Variants in RFTN2 observed in about 807,000 individuals in gnomAD.
RFTN2 encodes the protein raftlin family member 2, also known as raftlin-2.
Under a neutral mutation model 52.7 loss-of-function variants are expected in RFTN2, and 34 were observed. The ratio of observed to expected loss-of-function variants is 0.64; its 90% CI spans 0.49 to 0.86. The LOEUF is 0.86. Among genes scored for constraint, RFTN2 ranks in the 40% least tolerant of loss-of-function variants. The probability of loss-of-function intolerance (pLI) is 0.00; values close to 1 mark genes in which losing one functional copy is unlikely to be tolerated. For synonymous variants in RFTN2, 203 were observed against 217.7 expected (o/e 0.93, Z 0.59); for missense variants, 536 against 600.1 (o/e 0.89, Z 1.12).
At chr2:197,649,271 A>G (rs1298308909) in intron 1 of RFTN2, among the ~76,000 whole-genome samples, 1 of 152,180 alleles carries the variant, frequency 6.6e-6, no homozygotes, top group African/African-American at 2.4e-5. Flanking sequence ...TGAGAATCCA[A>G]ATAAATAGAG....
At chr2:197,583,315 C>G (rs1042087279) in intron 8 of RFTN2, among the ~76,000 whole-genome samples, 1 of 152,222 alleles carries the variant, frequency 6.6e-6, no homozygotes, top group Non-Finnish European at 1.5e-5. Context: ...ACCTCTTGGT[C>G]TGGGTAGACA....
chr2:197,586,082 G>C (rs992853063), intron 8 of RFTN2, among the ~76,000 whole-genome samples: 9 of 152,214 alleles, frequency 5.9e-5, no homozygotes, highest in African/African-American at 2.2e-4. Flanking sequence ...TTACAGATAA[G>C]CCCTCTATCA....
At chr2:197,592,853 A>C (rs1249966724) in intron 8 of RFTN2, among the ~76,000 whole-genome samples, 1 of 152,236 alleles carries the variant, frequency 6.6e-6, no homozygotes. Flanking sequence ...CTCTATATTG[A>C]TATTAATAGT....
At chr2:197,604,041 T>A (rs1479070616) in intron 7 of RFTN2, among the ~76,000 whole-genome samples, 1 of 152,134 alleles carries the variant, frequency 6.6e-6, no homozygotes, top group East Asian at 1.9e-4. Flanking sequence ...ATGTGCTCAA[T>A]CTCAGCAAGT....
At chr2:197,580,585 G>A (rs987080232) in intron 8 of RFTN2, among the ~76,000 whole-genome samples, 1 of 152,228 alleles carries the variant, frequency 6.6e-6, no homozygotes, top group African/African-American at 2.4e-5. Flanking sequence ...CTTAAAGGCT[G>A]AAGGCTGATG....
intron 8 of RFTN2, among the ~76,000 whole-genome samples, chr2:197,580,704 C>T (rs992846589): frequency 6.6e-6 from 1 of 152,218 alleles, no homozygotes; most frequent in African/African-American, 2.4e-5. Flanking sequence ...GCTACCCACT[C>T]TACATTGCCT....
At chr2:197,659,097 T>C (rs991467995) in intron 1 of RFTN2, among the ~76,000 whole-genome samples, 1 of 152,204 alleles carries the variant, frequency 6.6e-6, no homozygotes, top group Non-Finnish European at 1.5e-5. Context: ...CTTTGTTCAA[T>C]GCTAAAAGTT....
chr2:197,620,663 A>G (rs2106217986), intron 5 of RFTN2, among the ~76,000 whole-genome samples: 1 of 152,346 alleles, frequency 6.6e-6, no homozygotes, highest in East Asian at 1.9e-4. Context: ...CATTGTTCAG[A>G]GTGGTTCCCA....
rs543560811 is a variant in RFTN2 at position 197,601,163 on chromosome 2, C to T, written c.1155-5094G>A. Among the ~76,000 whole-genome samples the T allele has an allele frequency of 9.1e-4, 138 of 152,302 alleles. 1 individual carries two copies. Among genetic ancestry groups the T allele is most frequent in the African/African-American group, 3.2e-3 (131 of 41,582 alleles). On this transcript the variant is annotated intron_variant, in intron 7 of 8. Coordinates refer to ENST00000295049, the MANE Select transcript of RFTN2 (RefSeq NM_144629.3). ...AAAGTTCCTACACCCTGGATATGGA[C>T]CCTGGAGCATAGGAGATGCTCAGAA... is the stretch of plus-strand genomic sequence containing the variant.
intron 1 of RFTN2, among the ~76,000 whole-genome samples, chr2:197,659,775 C>CCATT (rs1156289910): frequency 2.7e-5 from 4 of 148,610 alleles, no homozygotes; most frequent in Non-Finnish European, 5.9e-5. Flanking sequence ...TGAGATCATG[C>CCATT]CATTGCACTC....
chr2:197,675,573 TAAACTATAGATAACC>T (rs2089205236), exon 1 of RFTN2: 1 of 103,780 alleles, frequency 9.6e-6, no homozygotes, highest in Admixed American at 1.1e-4. Flanking sequence ...TGTTTTCAGC[TAAACTATAGATAACC>T]AAAAAAAAAA....
intron 8 of RFTN2, among the ~76,000 whole-genome samples, chr2:197,588,268 A>G (rs2087633989): frequency 6.6e-6 from 1 of 152,246 alleles, no homozygotes; most frequent in Non-Finnish European, 1.5e-5. Context: ...GAAACAGTAC[A>G]TAAAACTTTT....
intron 1 of RFTN2, among the ~76,000 whole-genome samples, chr2:197,650,665 A>G (rs1411756256): frequency 6.6e-6 from 1 of 152,214 alleles, no homozygotes; most frequent in Non-Finnish European, 1.5e-5. Context: ...CATTGAATAT[A>G]TATACCACAT....
chr2:197,646,642 TTGA>T lies in RFTN2; in HGVS notation c.161_163del (p.Ile54del). On this transcript the variant is annotated inframe_deletion, in exon 2 of 9. Transcript: ENST00000295049. ...TACTATATCCAGAATTGAATTTATCTTGATGACTTCTGGGTTTGATGAAGCTGA... is the reference window on the plus strand; with the variant it reads ...TACTATATCCAGAATTGAATTTATCTTGACTTCTGGGTTTGATGAAGCTGA... The T allele has an allele frequency of 6.2e-7, 1 of 1,612,872 alleles. No homozygotes were observed.
In RFTN2 at chr2:197,631,066, A is replaced by C. The variant is rs1008495486; in HGVS notation, c.873T>G (p.Tyr291Ter). ...DADWLELTTF[Y>*]YKQGLSLIDS... Reference sequence around the variant, plus strand: ...CAATTAAAGACAAGCCTTGTTTATAATAAAAGGTAGTTAACTCCAGCCAAT... The same window carrying C: ...CAATTAAAGACAAGCCTTGTTTATACTAAAAGGTAGTTAACTCCAGCCAAT... Residue 291 changes from tyrosine (Y) to a stop codon, truncating the protein, a stop_gained, in exon 5 of 9, where the codon TAT becomes TAG. Coordinates refer to ENST00000295049, the MANE Select transcript of RFTN2 (RefSeq NM_144629.3). LOFTEE classifies it high-confidence loss of function. The C allele has an allele frequency of 6.2e-7, 1 of 1,613,142 alleles. No individual in the cohort carries two copies. Among genetic ancestry groups the C allele is most frequent in the Non-Finnish European group, 8.5e-7 (1 of 1,179,362 alleles).
At chr2:197,582,102 T>G (rs2087519688) in intron 8 of RFTN2, among the ~76,000 whole-genome samples, 1 of 152,248 alleles carries the variant, frequency 6.6e-6, no homozygotes, top group South Asian at 2.1e-4. Flanking sequence ...GACCTTACTG[T>G]TTTAGGCTGG....
chr2:197,618,047 G>A (rs2088175519), intron 5 of RFTN2, 126 bp from the exon 6 acceptor site: 1 of 581,576 alleles, frequency 1.7e-6, no homozygotes, highest in Non-Finnish European at 2.5e-6. Context: ...AACATTTGTT[G>A]CCCCCTCCCC....
At chr2:197,607,948 C>T (rs1041495332) in intron 7 of RFTN2, among the ~76,000 whole-genome samples, 1 of 152,126 alleles carries the variant, frequency 6.6e-6, no homozygotes, top group Non-Finnish European at 1.5e-5. Flanking sequence ...AAGAATGTGG[C>T]CTTATCAAAA....
chr2:197,635,148 T>G (rs976054580), intron 3 of RFTN2, among the ~76,000 whole-genome samples: 4 of 152,156 alleles, frequency 2.6e-5, no homozygotes, highest in Non-Finnish European at 4.4e-5. Flanking sequence ...GTTGGACATT[T>G]GGGTTGGTTC....
Sources: allele counts gnomAD v4.1 joint callset (sites outside exome capture counted in the v4.1 genomes callset), GRCh38; gene constraint gnomAD v4.1.1; transcripts MANE v1.5; gene names NCBI Gene and HGNC (gene_info 2026-07-23, HGNC 2026-07-21).